ZSCAN18: variants seen among roughly 807,000 people sequenced by gnomAD.
ZSCAN18 encodes zinc finger and SCAN domain-containing protein 18.
A neutral mutation model predicts 31.1 loss-of-function variants in ZSCAN18; 16 were observed. That is an observed-to-expected ratio of 0.51 (90% CI 0.35 to 0.78). The LOEUF is 0.78. Among genes scored for constraint, ZSCAN18 ranks in the 30% least tolerant of loss-of-function variants. The pLI, the probability that ZSCAN18 is intolerant of heterozygous loss-of-function variation, is 0.01. For synonymous variants in ZSCAN18, 375 were observed against 320.7 expected, an observed-to-expected ratio of 1.17 and a Z score of -1.81; for missense variants, 731 against 697.4, an observed-to-expected ratio of 1.05 and a Z score of -0.54.
chr19:58,085,957 C>A (rs2074271065), intron 6 of ZSCAN18: 3 of 555,946 alleles, frequency 5.4e-6, no homozygotes, highest in Admixed American at 3.1e-5. Flanking sequence ...ACACCACTGC[C>A]GTTTCCACCG....
At chr19:58,113,158 G>C (rs1046501999) in intron 1 of ZSCAN18, among the ~76,000 whole-genome samples, 5 of 146,052 alleles carry the variant, frequency 3.4e-5, no homozygotes, top group Admixed American at 6.8e-5. Flanking sequence ...TACTCAAAAT[G>C]CAAAAAAATT....
intron 1 of ZSCAN18, among the ~76,000 whole-genome samples, chr19:58,096,505 G>T (rs2074522703): frequency 6.6e-6 from 1 of 152,240 alleles, no homozygotes. Flanking sequence ...TGGGTGAGGG[G>T]TGGCTGAGCT....
chr19:58,098,997 G>GC (rs894650104), upstream of ZSCAN18, among the ~76,000 whole-genome samples: 4 of 152,092 alleles, frequency 2.6e-5, no homozygotes, highest in Non-Finnish European at 5.9e-5. Context: ...TATAAATGTA[G>GC]CCCCCCTGGA....
rs2074393109 is a variant in ZSCAN18 at position 58,090,678 on chromosome 19, C to T, written c.-119-292G>A. ...AATCTCGGCTCAATGCAACCTCTAC[C>T]TCCCGGGTTCAAGCGAGTCTCCTGC... On this transcript the variant is annotated intron_variant, in intron 1 of 6. Coordinates refer to ENST00000601144, the MANE Select transcript of ZSCAN18 (RefSeq NM_001145543.2). The surrounding 1 kb of genome is among the most constrained non-coding windows in gnomAD (Gnocchi z 4.7). 1 of 259,230 alleles carries T rather than the reference C, an allele frequency of 3.9e-6. No individual in the cohort carries two copies. Among genetic ancestry groups the T allele is most frequent in the Non-Finnish European group, 7.3e-6 (1 of 136,982 alleles). The allele number at this position is 259,230 out of a possible 1,614,324, so 16.1% of individuals were successfully genotyped here.
chr19:58,088,226 C>T (rs538386731), intron 3 of ZSCAN18: 28 of 159,774 alleles, frequency 1.8e-4, no homozygotes, highest in African/African-American at 4.8e-4. Flanking sequence ...GCTGAGCACG[C>T]GATGCTGGGC....
intron 5 of ZSCAN18, 38 bp downstream of exon 5, chr19:58,086,867 TG>T: frequency 6.6e-7 from 1 of 1,519,382 alleles, no homozygotes; most frequent in Non-Finnish European, 9.1e-7. Flanking sequence ...CGGAAGGGGA[TG>T]GGGAGTGGGG....
At position 58,085,545 on chromosome 19, in the gene ZSCAN18, C is replaced by T. The variant is rs559382783; in HGVS notation, c.839-166G>A. 3 of 622,646 alleles carry T rather than the reference C, an allele frequency of 4.8e-6. No homozygotes were observed. In the South Asian group the frequency reaches 6.2e-5, roughly 13 times the overall value. The allele number at this position is 622,646 out of a possible 1,614,324, so 38.6% of individuals were successfully genotyped here. A position where few individuals can be genotyped will look rare whatever the true frequency, so the allele number is the denominator to read the frequency against. ...GCGCTGTCCCTCCCAGGCAGCCCTG[C>T]AGCGCATGCCCCGCGCCTGCTGCTG... On this transcript the variant is annotated intron_variant, in intron 6 of 6. Transcript: ENST00000601144.
Position 58,118,375 on chromosome 19 carries a change from C to T in ZSCAN18, c.22G>A (p.Ala8Thr), listed in dbSNP as rs912857439. 1.6e-5 allele frequency: 24 copies of T among 1,532,712 alleles called. No individual in the cohort carries two copies. The Admixed American group carries it at 4.3e-4, about 27-fold the overall frequency. 94.9% of individuals were successfully genotyped at this position (1,532,712 alleles called of 1,614,324 possible). A position where few individuals can be genotyped will look rare whatever the true frequency, so the allele number is the denominator to read the frequency against. The change falls in exon 1 of 2, where the codon GCT (alanine) becomes ACT (threonine). Residue 8 changes from alanine to threonine, a missense_variant. By Grantham distance (58) the Ala-to-Thr change is moderately conservative (BLOSUM62 0). Transcript: ENST00000595721. ...CCCGCCGCCGTAGCGTCCTCGTCAGCTCGCCCTCCGACTCTCCGCATGGGC... is the reference window on the plus strand; with the variant it reads ...CCCGCCGCCGTAGCGTCCTCGTCAGTTCGCCCTCCGACTCTCCGCATGGGC...
At chr19:58,086,745 G>A in intron 5 of ZSCAN18, 161 bp downstream of exon 5, 2 of 593,652 alleles carry the variant, frequency 3.4e-6, no homozygotes, top group Non-Finnish European at 5.9e-6. Flanking sequence ...AGAAAGGGTG[G>A]GGGCTTCAGC....
chr19:58,109,916 T>C (rs1448492158), intron 1 of ZSCAN18, among the ~76,000 whole-genome samples: 1 of 150,958 alleles, frequency 6.6e-6, no homozygotes, highest in Non-Finnish European at 1.5e-5. Flanking sequence ...ACTTTAGATA[T>C]TATGATTTTT....
chr19:58,116,684 C>T (rs1002501558), intron 1 of ZSCAN18, among the ~76,000 whole-genome samples: 1 of 152,112 alleles, frequency 6.6e-6, no homozygotes, highest in Non-Finnish European at 1.5e-5. Flanking sequence ...ACCTGCAACC[C>T]AGCAGCAAAC....
intron 4 of ZSCAN18, 35 bp from the exon 5 acceptor site, chr19:58,087,043 G>A (rs1473104017): frequency 9.8e-6 from 15 of 1,532,646 alleles, no homozygotes; most frequent in Middle Eastern, 3.4e-4. Context: ...CCTCCCACCT[G>A]CCCTAGAGAA....
Position 58,112,950 on chromosome 19 carries a change from CA to C in ZSCAN18, c.130+5316del, listed in dbSNP as rs55721042. Reference sequence around the variant, plus strand: ...TGGGCGATAAAGCAAGGCTCCGTTTCAAAAAAAAAAAAAAAAAAAGAATTTA... The same window carrying C: ...TGGGCGATAAAGCAAGGCTCCGTTTCAAAAAAAAAAAAAAAAAAGAATTTA... On this transcript the variant is annotated intron_variant, in intron 1 of 1. Transcript: ENST00000595721. 3.9e-3 allele frequency among the ~76,000 whole-genome samples: 273 copies of C among 69,486 alleles called. 4 individuals carry two copies. The highest frequency in any genetic ancestry group is 0.021 in the East Asian group (48 of 2,338). 45.6% of individuals were successfully genotyped at this position (69,486 alleles called of 152,430 possible). A position where few individuals can be genotyped will look rare whatever the true frequency, so the allele number is the denominator to read the frequency against.
intron 3 of ZSCAN18, 32 bp from the exon 4 acceptor site, chr19:58,087,436 T>C: frequency 6.4e-7 from 1 of 1,568,706 alleles, no homozygotes; most frequent in African/African-American, 1.3e-5. Context: ...GCTGAGGCAA[T>C]GAGCTCCCTG....
At chr19:58,108,489 T>A in intron 1 of ZSCAN18, 2 of 985,952 alleles carry the variant, frequency 2.0e-6, no homozygotes, top group Middle Eastern at 5.2e-4. Context: ...ACTGAAGGCT[T>A]TCCCACTTCT....
chr19:58,109,499 T>G (rs905134633), intron 1 of ZSCAN18, among the ~76,000 whole-genome samples: 4 of 152,198 alleles, frequency 2.6e-5, no homozygotes, highest in Admixed American at 1.3e-4. Context: ...GAAACACTCT[T>G]TCTAATAGCC....
At chr19:58,087,909 C>T (rs2074316614) in intron 3 of ZSCAN18, 1 of 160,126 alleles carries the variant, frequency 6.2e-6, no homozygotes, top group Non-Finnish European at 1.4e-5. Flanking sequence ...CAAAGTGCTG[C>T]GATTACAGGC....
intron 6 of ZSCAN18, chr19:58,085,741 G>A (rs1235532448): frequency 5.8e-6 from 2 of 346,198 alleles, no homozygotes; most frequent in African/African-American, 2.1e-5. Flanking sequence ...GCACCCTCCT[G>A]GAGGGAGGGG....
At chr19:58,111,927 A>G (rs1247291565) in intron 1 of ZSCAN18, among the ~76,000 whole-genome samples, 1 of 152,252 alleles carries the variant, frequency 6.6e-6, no homozygotes, top group Non-Finnish European at 1.5e-5. Context: ...AATGTAAGAC[A>G]TCACAATAAC....
Sources: gnomAD v4.1 joint callset for allele counts (sites outside exome capture counted in the v4.1 genomes callset) on GRCh38, gnomAD v4.1.1 for gene constraint, Gnocchi (gnomAD v3.1) non-coding constraint, MANE v1.5 for transcripts, NCBI Gene and HGNC (gene_info 2026-07-23, HGNC 2026-07-21) for gene names.